The following RBFOX1 variants were observed in gnomAD, a reference collection of about 807,000 sequenced individuals.
RBFOX1 encodes RNA binding protein fox-1 homolog 1.
Under a neutral mutation model 57.7 loss-of-function variants are expected in RBFOX1, and 8 were observed. That is an observed-to-expected ratio of 0.14 (90% CI 0.08 to 0.25). The LOEUF is 0.25. Ranked by LOEUF, RBFOX1 falls within the 10% of genes least tolerant of loss-of-function variation. RBFOX1 has a pLI of 1.00. For synonymous variants in RBFOX1, 326 were observed against 222.4 expected (o/e 1.47, Z -4.15); for missense variants, 611 against 548.5 (o/e 1.11, Z -1.14).
chr16:6,474,348 G>T (rs2095239754), intron 2 of RBFOX1, among the ~76,000 whole-genome samples: 1 of 152,162 alleles, frequency 6.6e-6, no homozygotes, highest in South Asian at 2.1e-4. Flanking sequence ...CTATAACACA[G>T]TGAAGAGGAA....
chr16:7,527,004 G>A (rs2078854453), intron 5 of RBFOX1, among the ~76,000 whole-genome samples: 1 of 152,162 alleles, frequency 6.6e-6, no homozygotes, highest in Non-Finnish European at 1.5e-5. Context: ...TTCACCCTGG[G>A]GAGGGCCCCA....
chr16:7,414,911 G>A (rs762784146), intron 4 of RBFOX1, among the ~76,000 whole-genome samples: 2 of 152,178 alleles, frequency 1.3e-5, no homozygotes, highest in South Asian at 2.1e-4. Context: ...GAGCCACGGC[G>A]CCCAGCCCTT....
chr16:6,051,455 G>A (rs1162739640), intron 1 of RBFOX1, among the ~76,000 whole-genome samples: 1 of 152,148 alleles, frequency 6.6e-6, no homozygotes, highest in African/African-American at 2.4e-5. Flanking sequence ...CACCTTACAA[G>A]TAGCTGGAAT....
intron 5 of RBFOX1, among the ~76,000 whole-genome samples, chr16:7,570,102 A>G (rs553350460): frequency 7.9e-5 from 12 of 152,122 alleles, no homozygotes; most frequent in Non-Finnish European, 1.3e-4. Flanking sequence ...CTTTTACATG[A>G]TAGCATGTTG....
intron 4 of RBFOX1, among the ~76,000 whole-genome samples, chr16:5,955,702 A>T (rs1183948699): frequency 6.6e-6 from 1 of 152,238 alleles, no homozygotes; most frequent in African/African-American, 2.4e-5. Context: ...TCTTCTGGAT[A>T]AAAGATATAA....
chr16:6,738,240 G>A (rs867102841), intron 3 of RBFOX1, among the ~76,000 whole-genome samples: 6 of 152,102 alleles, frequency 3.9e-5, no homozygotes, highest in South Asian at 2.1e-4. Context: ...ATCCTTGACA[G>A]GAGCAAAGGA....
At chr16:7,090,603 G>C (rs1599193176) in intron 4 of RBFOX1, among the ~76,000 whole-genome samples, 1 of 152,060 alleles carries the variant, frequency 6.6e-6, no homozygotes, top group Non-Finnish European at 1.5e-5. Context: ...TCTTTAAGAA[G>C]GTTTTCCTAT....
chr16:6,529,900 C>G lies in RBFOX1; in HGVS notation c.-63-124703C>G, dbSNP rs117202171. ...TAAACATGAGGTGACTTTTTCTCCACTCACTGCTCCCAAATTCAGAATTGC... is the reference window on the plus strand; with the variant it reads ...TAAACATGAGGTGACTTTTTCTCCAGTCACTGCTCCCAAATTCAGAATTGC... On this transcript the variant is annotated intron_variant, in intron 2 of 15. Transcript: ENST00000550418. Among the ~76,000 whole-genome samples the G allele has an allele frequency of 3.0e-3, 452 of 152,266 alleles. 4 individuals are homozygous for G. The highest frequency in any genetic ancestry group is 7.9e-3 in the South Asian group (38 of 4,828).
intron 4 of RBFOX1, among the ~76,000 whole-genome samples, chr16:7,237,996 C>A (rs989455782): frequency 6.6e-6 from 1 of 152,048 alleles, no homozygotes; most frequent in Non-Finnish European, 1.5e-5. Context: ...AAAGCAAGAC[C>A]CTGTCTCAAA....
Position 6,620,666 on chromosome 16 carries a change from G to C in RBFOX1, c.-63-33937G>C, listed in dbSNP as rs897045261. Among the ~76,000 whole-genome samples, 10 of 152,026 alleles carry C rather than the reference G, an allele frequency of 6.6e-5. No individual in the cohort carries two copies. The South Asian group carries it at 1.0e-3, about 16-fold the overall frequency. On this transcript the variant is annotated intron_variant, in intron 2 of 15. Coordinates refer to ENST00000550418, the MANE Select transcript of RBFOX1 (RefSeq NM_018723.4). ...GTAAACATAATCAGAAATGACAAGG[G>C]GGAATATTACCCCTGGGCCCACAGA...
intron 4 of RBFOX1, among the ~76,000 whole-genome samples, chr16:7,505,927 T>C (rs1002784632): frequency 6.6e-6 from 1 of 152,192 alleles, no homozygotes; most frequent in African/African-American, 2.4e-5. Flanking sequence ...GGCTCATGCC[T>C]GTAATCCGAG....
chr16:6,686,949 G>A (rs1364380263), intron 3 of RBFOX1, among the ~76,000 whole-genome samples: 2 of 152,098 alleles, frequency 1.3e-5, no homozygotes, highest in Non-Finnish European at 2.9e-5. Context: ...GATTCTGCTC[G>A]TAATGATATG....
rs192586019 is a variant in RBFOX1, at chr16:5,334,051, C to T, written c.219+93946C>T. Among the ~76,000 whole-genome samples the T allele has an allele frequency of 8.5e-5, 13 of 152,150 alleles. No homozygotes were observed. In the South Asian group the frequency reaches 1.3e-3, roughly 15 times the overall value. ...AATAAACCTGAGAGGTGCTTCTGGC[C>T]GATTTCTGTCAGGAGTACTCTTTCT... is the stretch of plus-strand genomic sequence containing the variant. On this transcript the variant is annotated intron_variant, in intron 1 of 2. Transcript: ENST00000585867.
At chr16:5,960,425 T>G (rs546601950) in intron 4 of RBFOX1, among the ~76,000 whole-genome samples, 1 of 152,136 alleles carries the variant, frequency 6.6e-6, no homozygotes, top group Non-Finnish European at 1.5e-5. Flanking sequence ...CCTCCCAAAT[T>G]CCATTTTTTA....
chr16:7,024,143 A>G (rs1039158399), intron 3 of RBFOX1, among the ~76,000 whole-genome samples: 2 of 152,196 alleles, frequency 1.3e-5, no homozygotes, highest in African/African-American at 4.8e-5. Flanking sequence ...ATGTTATCAT[A>G]TTAAAGATTG....
chr16:6,871,511 C>G (rs896856336), intron 3 of RBFOX1, among the ~76,000 whole-genome samples: 3 of 152,036 alleles, frequency 2.0e-5, no homozygotes, highest in African/African-American at 4.8e-5. Flanking sequence ...ACTCTTTCCT[C>G]TCCCTTATCC....
At chr16:7,046,288 A>G (rs1029413316) in intron 3 of RBFOX1, among the ~76,000 whole-genome samples, 2 of 149,332 alleles carry the variant, frequency 1.3e-5, no homozygotes, top group Admixed American at 1.3e-4. Flanking sequence ...TTACTCTATC[A>G]TTATTTGTTC....
chr16:5,483,504 C>T (rs1316817108), intron 2 of RBFOX1, among the ~76,000 whole-genome samples: 6 of 152,194 alleles, frequency 3.9e-5, no homozygotes, highest in African/African-American at 1.4e-4. Context: ...TATTTCCACA[C>T]CCTTCTGATT....
At chr16:7,634,603 C>G (rs2061476281) in intron 11 of RBFOX1, among the ~76,000 whole-genome samples, 2 of 152,124 alleles carry the variant, frequency 1.3e-5, no homozygotes, top group South Asian at 4.1e-4. Flanking sequence ...ATCATCCTAA[C>G]AATGTGACCC....
Sources: allele counts gnomAD v4.1 joint callset (sites outside exome capture counted in the v4.1 genomes callset), GRCh38; gene constraint gnomAD v4.1.1; transcripts MANE v1.5; gene names NCBI Gene and HGNC (gene_info 2026-07-23, HGNC 2026-07-21).